Variants in PELI2 observed in about 807,000 individuals in gnomAD.
PELI2 encodes the protein pellino E3 ubiquitin protein ligase family member 2.
A neutral mutation model predicts 42.3 loss-of-function variants in PELI2; 23 were observed. The observed-to-expected ratio is 0.54, with a 90% confidence interval of 0.39 to 0.77. The LOEUF (loss-of-function observed/expected upper bound fraction) is 0.77, where lower values mean the gene tolerates loss of function less well. Ranked by LOEUF, PELI2 falls within the 30% of genes least tolerant of loss-of-function variation. The pLI, the probability that PELI2 is intolerant of heterozygous loss-of-function variation, is 0.00. For synonymous variants in PELI2, 245 were observed against 212.2 expected, an observed-to-expected ratio of 1.15 and a Z score of -1.34; for missense variants, 463 against 553.2, an observed-to-expected ratio of 0.84 and a Z score of 1.64.
intron 2 of PELI2, among the ~76,000 whole-genome samples, chr14:56,269,391 T>C (rs1221959386): frequency 1.3e-5 from 2 of 151,906 alleles, no homozygotes; most frequent in Non-Finnish European, 2.9e-5. Flanking sequence ...TGCAATGAGC[T>C]GTGACTGTGC....
chr14:56,240,321 T>C (rs1887928138), intron 2 of PELI2, among the ~76,000 whole-genome samples: 1 of 151,844 alleles, frequency 6.6e-6, no homozygotes, highest in Non-Finnish European at 1.5e-5. Flanking sequence ...GAGAAGGGGA[T>C]GGACTCCAGA....
intron 1 of PELI2, among the ~76,000 whole-genome samples, chr14:56,158,630 C>T (rs921125952): frequency 6.6e-6 from 1 of 152,174 alleles, no homozygotes; most frequent in Non-Finnish European, 1.5e-5. Flanking sequence ...GCTGGGACTA[C>T]AGGTGTGAGC....
intron 1 of PELI2, among the ~76,000 whole-genome samples, chr14:56,173,535 T>G (rs973989457): frequency 2.0e-4 from 30 of 152,326 alleles, no homozygotes; most frequent in Middle Eastern, 3.4e-3. Context: ...CATAACACAT[T>G]ACCACAAACT....
Position 56,178,425 on chromosome 14 carries a change from CA to C in PELI2, c.169del (p.Ser57AlafsTer5), listed in dbSNP as rs1380677476. The C allele has an allele frequency of 6.2e-7, 1 of 1,614,168 alleles. No homozygotes were observed. Among genetic ancestry groups the C allele is most frequent in the Admixed American group, 1.7e-5 (1 of 60,020 alleles). On this transcript the variant is annotated frameshift_variant, in exon 2 of 6. Transcript: ENST00000267460. LOFTEE classifies it high-confidence loss of function. ...GGCCCAAGGCAAATGGTGTCAAACC[CA>C]GCACCGTCCATGTGATATCCACGCC... ...KRPKANGVKP[S>X]TVHVISTPQA... is the part of the protein sequence containing the mutation.
At chr14:56,175,285 C>T (rs563463569) in intron 1 of PELI2, among the ~76,000 whole-genome samples, 6 of 152,198 alleles carry the variant, frequency 3.9e-5, no homozygotes, top group Non-Finnish European at 5.9e-5. Flanking sequence ...CATGAGCCAA[C>T]GTGCCTGGCC....
Position 56,118,622 on chromosome 14 carries a change from G to GCGGCGT in PELI2, c.-33_-28dup, listed in dbSNP as rs1403753602. ...CTCGGCGGGGATCGCGGCGGAGGCG[G>GCGGCGT]CGGCGTCGGCGGCGGCGTCGGCGGC... On this transcript the variant is annotated 5_prime_UTR_variant, in exon 1 of 6. Coordinates refer to ENST00000267460, the MANE Select transcript of PELI2 (RefSeq NM_021255.3). The GCGGCGT allele has an allele frequency of 1.0e-5, 13 of 1,264,470 alleles. No individual in the cohort carries two copies. The African/African-American group carries it at 1.5e-4, about 14-fold the overall frequency. 78.3% of individuals were successfully genotyped at this position (1,264,470 alleles called of 1,614,324 possible).
chr14:56,166,819 G>A (rs1240227923), intron 1 of PELI2, among the ~76,000 whole-genome samples: 9 of 151,452 alleles, frequency 5.9e-5, no homozygotes, highest in Admixed American at 2.0e-4. Flanking sequence ...ACGGAGTCTC[G>A]CTCTGTCTCC....
At chr14:56,222,960 A>G (rs1887201883) in intron 2 of PELI2, among the ~76,000 whole-genome samples, 1 of 152,236 alleles carries the variant, frequency 6.6e-6, no homozygotes, top group Non-Finnish European at 1.5e-5. Context: ...CGTACAGGAC[A>G]AAATGATACC....
At chr14:56,151,785 A>G (rs951222980) in intron 1 of PELI2, among the ~76,000 whole-genome samples, 8 of 152,248 alleles carry the variant, frequency 5.3e-5, no homozygotes, top group Non-Finnish European at 1.2e-4. Context: ...TTATTAAGAA[A>G]CAAATTATTA....
In PELI2 at chr14:56,238,445, C is replaced by T. The variant is rs192776226; in HGVS notation, c.208-41231C>T. Among the ~76,000 whole-genome samples, 1,148 of 152,260 alleles carry T rather than the reference C, an allele frequency of 7.5e-3. 11 individuals are homozygous for T. The highest frequency in any genetic ancestry group is 0.026 in the African/African-American group (1,082 of 41,562). Reference sequence around the variant, plus strand: ...TATTAGGTATATTTTAGGTTCTTGTCATAAATATTTTTAGGAGGCAGTTCT... The same window carrying T: ...TATTAGGTATATTTTAGGTTCTTGTTATAAATATTTTTAGGAGGCAGTTCT... On this transcript the variant is annotated intron_variant, in intron 2 of 5. Transcript: ENST00000267460.
chr14:56,297,572 G>A lies in PELI2; in HGVS notation c.*406G>A, dbSNP rs1890051438. 1 of 197,154 alleles carries A rather than the reference G, an allele frequency of 5.1e-6. No homozygotes were observed. 12.2% of individuals were successfully genotyped at this position (197,154 alleles called of 1,614,324 possible). Reference sequence around the variant, plus strand: ...GAAGTTCACTTCAGTGCAGTGTGGTGTAGGTGTTACGCGAAGGGCGCACAG... The same window carrying A: ...GAAGTTCACTTCAGTGCAGTGTGGTATAGGTGTTACGCGAAGGGCGCACAG... On this transcript the variant is annotated 3_prime_UTR_variant, in exon 6 of 6. Transcript: ENST00000267460.
At chr14:56,280,987 A>G (rs917123086) in intron 3 of PELI2, among the ~76,000 whole-genome samples, 5 of 152,122 alleles carry the variant, frequency 3.3e-5, no homozygotes, top group African/African-American at 1.2e-4. Flanking sequence ...TAATAATAAA[A>G]TACTCTTTAT....
At chr14:56,220,755 A>T (rs933456965) in intron 2 of PELI2, among the ~76,000 whole-genome samples, 2 of 152,204 alleles carry the variant, frequency 1.3e-5, no homozygotes, top group Non-Finnish European at 2.9e-5. Context: ...ACCACCACCA[A>T]GATGAGGAGG....
intron 2 of PELI2, among the ~76,000 whole-genome samples, chr14:56,255,944 G>A (rs1888513049): frequency 6.6e-6 from 1 of 152,146 alleles, no homozygotes; most frequent in Non-Finnish European, 1.5e-5. Flanking sequence ...CTCCCAGCTT[G>A]CTTGTCTATG....
chr14:56,195,370 C>T (rs766780948), intron 2 of PELI2, among the ~76,000 whole-genome samples: 5 of 152,116 alleles, frequency 3.3e-5, no homozygotes, highest in Non-Finnish European at 5.9e-5. Flanking sequence ...GACAAAACAC[C>T]GGAACTGCCA....
At chr14:56,186,074 C>T (rs1444541409) in intron 2 of PELI2, among the ~76,000 whole-genome samples, 1 of 151,976 alleles carries the variant, frequency 6.6e-6, no homozygotes, top group Non-Finnish European at 1.5e-5. Context: ...ATTGTAATCA[C>T]AAGCATCCTT....
At chr14:56,155,428 C>G (rs1884520443) in intron 1 of PELI2, among the ~76,000 whole-genome samples, 1 of 152,058 alleles carries the variant, frequency 6.6e-6, no homozygotes, top group African/African-American at 2.4e-5. Context: ...TTCAAAGTAG[C>G]TTCAGTTTCC....
At chr14:56,153,917 G>T (rs1228938426) in intron 1 of PELI2, among the ~76,000 whole-genome samples, 1 of 152,110 alleles carries the variant, frequency 6.6e-6, no homozygotes, top group Non-Finnish European at 1.5e-5. Flanking sequence ...TATGGTAAGG[G>T]TTGATTTTGT....
At chr14:56,293,622 C>G (rs1483286871) in intron 5 of PELI2, among the ~76,000 whole-genome samples, 1 of 152,164 alleles carries the variant, frequency 6.6e-6, no homozygotes, top group Non-Finnish European at 1.5e-5. Context: ...TGGCAGAAAA[C>G]ACCAAGTCCA....
Sources: allele counts gnomAD v4.1 joint callset (sites outside exome capture counted in the v4.1 genomes callset), GRCh38; gene constraint gnomAD v4.1.1; transcripts MANE v1.5; gene names NCBI Gene and HGNC (gene_info 2026-07-23, HGNC 2026-07-21).